YAP1: variants seen among roughly 807,000 people sequenced by gnomAD.
YAP1 encodes Yes1 associated transcriptional regulator.
YAP1 carries 5 observed loss-of-function variants against 56.9 expected under a neutral mutation model. The ratio of observed to expected loss-of-function variants is 0.09; its 90% CI spans 0.05 to 0.18. The LOEUF is 0.18. Among genes scored for constraint, YAP1 ranks in the 10% least tolerant of loss-of-function variants. The probability of loss-of-function intolerance (pLI) is 1.00; values close to 1 mark genes in which losing one functional copy is unlikely to be tolerated. For synonymous variants in YAP1, 265 were observed against 248.1 expected (o/e 1.07, Z -0.64); for missense variants, 539 against 651.8 (o/e 0.83, Z 1.88).
At chr11:102,196,170 G>A (rs545095157) in intron 4 of YAP1, among the ~76,000 whole-genome samples, 3 of 152,084 alleles carry the variant, frequency 2.0e-5, no homozygotes, top group Non-Finnish European at 4.4e-5. Context: ...CCATATGACC[G>A]AGCAATTCCA....
intron 2 of YAP1, among the ~76,000 whole-genome samples, chr11:102,126,419 C>A (rs146504062): frequency 6.6e-6 from 1 of 152,174 alleles, no homozygotes; most frequent in African/African-American, 2.4e-5. Flanking sequence ...AGGGGCCTTT[C>A]TTTCCCGTGC....
At chr11:102,174,174 G>A (rs745496532) in intron 3 of YAP1, among the ~76,000 whole-genome samples, 25 of 152,136 alleles carry the variant, frequency 1.6e-4, no homozygotes, top group Non-Finnish European at 3.2e-4. Context: ...GATCATTTTA[G>A]CATTCCTATT....
chr11:102,156,968 A>AT (rs1443461095), intron 2 of YAP1, among the ~76,000 whole-genome samples: 5 of 152,200 alleles, frequency 3.3e-5, no homozygotes, highest in African/African-American at 1.2e-4. Context: ...GCAAATGTTA[A>AT]TTTTATCAAA....
At chr11:102,168,076 T>C (rs1315776884) in intron 3 of YAP1, among the ~76,000 whole-genome samples, 1 of 152,122 alleles carries the variant, frequency 6.6e-6, no homozygotes, top group East Asian at 1.9e-4. Context: ...TTAGTTATTA[T>C]ATATAATAGC....
Position 102,227,601 on chromosome 11 carries a change from C to T in YAP1, c.1276+20C>T. ...ATACAGGTTGGTATTCTTTATTCCT[C>T]TTAGTAACCTGACTTAACAGTGGGA... On this transcript the variant is annotated intron_variant, in intron 8 of 8. Coordinates refer to ENST00000282441, the MANE Select transcript of YAP1 (RefSeq NM_001130145.3). The T allele has an allele frequency of 1.3e-6, 2 of 1,527,034 alleles. No homozygotes were observed. The highest frequency in any genetic ancestry group is 9.1e-7 in the Non-Finnish European group (1 of 1,102,876). 94.6% of individuals were successfully genotyped at this position (1,527,034 alleles called of 1,614,324 possible).
At chr11:102,134,601 C>T (rs1481177798) in intron 2 of YAP1, among the ~76,000 whole-genome samples, 1 of 151,480 alleles carries the variant, frequency 6.6e-6, no homozygotes, top group Non-Finnish European at 1.5e-5. Flanking sequence ...TAACCACTCT[C>T]CAGGTTAATA....
chr11:102,149,124 C>T (rs934905681), intron 2 of YAP1, among the ~76,000 whole-genome samples: 1 of 152,186 alleles, frequency 6.6e-6, no homozygotes, highest in African/African-American at 2.4e-5. Flanking sequence ...CTGGGCAAAA[C>T]ACCATACTGG....
At chr11:102,221,662 G>A (rs889208959) in intron 6 of YAP1, among the ~76,000 whole-genome samples, 1 of 151,940 alleles carries the variant, frequency 6.6e-6, no homozygotes. Flanking sequence ...GGTCAAGGCT[G>A]CAGTGAGCTA....
chr11:102,160,857 C>T (rs1438788393), intron 2 of YAP1, among the ~76,000 whole-genome samples: 2 of 152,164 alleles, frequency 1.3e-5, no homozygotes, highest in African/African-American at 4.8e-5. Context: ...AATCCCTTTG[C>T]ACATCTTCAG....
At chr11:102,187,533 C>G (rs550403981) in intron 4 of YAP1, among the ~76,000 whole-genome samples, 2 of 152,222 alleles carry the variant, frequency 1.3e-5, no homozygotes, top group African/African-American at 4.8e-5. Context: ...CTTAAATTAT[C>G]TCTAATGAAA....
chr11:102,215,183 A>AT (rs1322066369), intron 6 of YAP1, among the ~76,000 whole-genome samples: 11 of 152,288 alleles, frequency 7.2e-5, no homozygotes, highest in Middle Eastern at 3.4e-3. Flanking sequence ...AAGAAATGGC[A>AT]TTTTTTTCTA....
At chr11:102,127,964 T>C (rs1232284275) in intron 2 of YAP1, among the ~76,000 whole-genome samples, 1 of 152,148 alleles carries the variant, frequency 6.6e-6, no homozygotes. Context: ...TTTTGGCCAA[T>C]TTCTTCCATT....
At chr11:102,201,408 G>C (rs1591400921) in intron 4 of YAP1, among the ~76,000 whole-genome samples, 1 of 152,182 alleles carries the variant, frequency 6.6e-6, no homozygotes, top group East Asian at 1.9e-4. Context: ...TTACCTATTG[G>C]AGGTAGGAGG....
rs187174479 is a variant in YAP1 at position 102,193,877 on chromosome 11, C to T, written c.802+7746C>T. 4.8e-4 allele frequency among the ~76,000 whole-genome samples: 70 copies of T among 146,756 alleles called. 2 individuals are homozygous for T. The East Asian group carries it at 0.012, about 25-fold the overall frequency. ...TTTTTGAGACGGAGTCTCGCTCTGT[C>T]GCCCAGGCTGGAGTGCAGTGGCGCA... is the stretch of plus-strand genomic sequence containing the variant. On this transcript the variant is annotated intron_variant, in intron 4 of 8. Coordinates refer to ENST00000282441, the MANE Select transcript of YAP1 (RefSeq NM_001130145.3).
chr11:102,171,658 G>A (rs1232531901), intron 3 of YAP1, among the ~76,000 whole-genome samples: 1 of 152,188 alleles, frequency 6.6e-6, no homozygotes, highest in Non-Finnish European at 1.5e-5. Context: ...CTGAAGAGTT[G>A]CATATTAGTA....
At chr11:102,181,586 ACT>A (rs921322900) in intron 3 of YAP1, among the ~76,000 whole-genome samples, 1 of 151,990 alleles carries the variant, frequency 6.6e-6, no homozygotes, top group African/African-American at 2.4e-5. Flanking sequence ...ACGGAGAAAG[ACT>A]CTCTCAAAAT....
At chr11:102,125,645 C>T (rs1943992210) in intron 2 of YAP1, among the ~76,000 whole-genome samples, 1 of 152,086 alleles carries the variant, frequency 6.6e-6, no homozygotes, top group Non-Finnish European at 1.5e-5. Context: ...TCCCAAAGTG[C>T]TGGGATTACT....
chr11:102,225,702 A>C (rs1171504785), intron 7 of YAP1, among the ~76,000 whole-genome samples: 1 of 152,016 alleles, frequency 6.6e-6, no homozygotes, highest in Non-Finnish European at 1.5e-5. Flanking sequence ...CTTTACTTCT[A>C]AGCTCCCTGT....
chr11:102,180,588 A>G (rs886671564), intron 3 of YAP1, among the ~76,000 whole-genome samples: 11 of 148,076 alleles, frequency 7.4e-5, no homozygotes, highest in African/African-American at 2.7e-4. Flanking sequence ...ATGCTGAGGC[A>G]GGAGAATGGC....
Sources: gnomAD v4.1 joint callset for allele counts (sites outside exome capture counted in the v4.1 genomes callset) on GRCh38, gnomAD v4.1.1 for gene constraint, MANE v1.5 for transcripts, NCBI Gene and HGNC (gene_info 2026-07-23, HGNC 2026-07-21) for gene names.